SH3BGR: variants seen among roughly 807,000 people sequenced by gnomAD.
The protein encoded by SH3BGR is SH3 domain binding glutamate rich protein.
In SH3BGR, 29 loss-of-function variants were observed where a neutral mutation model predicts 24.5. The ratio of observed to expected loss-of-function variants is 1.18; its 90% CI spans 0.88 to 1.61. The LOEUF is 1.61. Ranked by LOEUF, SH3BGR falls within the 40% of genes most tolerant of loss-of-function variation. SH3BGR has a pLI of 0.00. For synonymous variants in SH3BGR, 55 were observed against 65.7 expected (o/e 0.84, Z 0.79); for missense variants, 162 against 205.8 (o/e 0.79, Z 1.30).
upstream of SH3BGR, among the ~76,000 whole-genome samples, chr21:39,448,068 T>A (rs138491825): frequency 1.3e-4 from 20 of 152,290 alleles, no homozygotes; most frequent in African/African-American, 4.8e-4. Context: ...CCACTCCAAT[T>A]TCTGCTTCCA....
chr21:39,457,226 ATAGT>A (rs1199094535), intron 1 of SH3BGR, among the ~76,000 whole-genome samples: 1 of 99,968 alleles, frequency 1.0e-5, no homozygotes, highest in African/African-American at 3.6e-5. Flanking sequence ...AAAATCATAT[ATAGT>A]TAAATATAAA....
intron 3 of SH3BGR, among the ~76,000 whole-genome samples, chr21:39,495,089 C>T (rs1291280350): frequency 3.3e-5 from 5 of 150,892 alleles, no homozygotes; most frequent in African/African-American, 7.3e-5. Context: ...TCAGTTGTTT[C>T]GTTCATTGCA....
At chr21:39,496,324 C>A (rs1043621509) in intron 3 of SH3BGR, among the ~76,000 whole-genome samples, 1 of 151,582 alleles carries the variant, frequency 6.6e-6, no homozygotes, top group African/African-American at 2.4e-5. Context: ...CAAGGTGAAA[C>A]CCCGTCTCTA....
At chr21:39,491,543 CT>C in intron 3 of SH3BGR, 1 of 276,710 alleles carries the variant, frequency 3.6e-6, no homozygotes, top group South Asian at 4.6e-5. Flanking sequence ...GCCTCAGCTA[CT>C]TACATGGGCT....
At chr21:39,468,412 C>A (rs1307129522) in intron 2 of SH3BGR, among the ~76,000 whole-genome samples, 1 of 152,158 alleles carries the variant, frequency 6.6e-6, no homozygotes, top group African/African-American at 2.4e-5. Context: ...GTGCCTCTCT[C>A]CCTGATCCCA....
intron 6 of SH3BGR, among the ~76,000 whole-genome samples, chr21:39,512,123 A>G (rs999247125): frequency 2.6e-5 from 4 of 152,308 alleles, no homozygotes; most frequent in South Asian, 2.1e-4. Flanking sequence ...CTTCCTCTAT[A>G]TAAACTTTGT....
At chr21:39,507,691 G>A (rs1401920982) in intron 4 of SH3BGR, among the ~76,000 whole-genome samples, 4 of 152,132 alleles carry the variant, frequency 2.6e-5, no homozygotes, top group Admixed American at 2.0e-4. Flanking sequence ...TGTCACCCAC[G>A]CTGGAGTGCA....
upstream of SH3BGR, among the ~76,000 whole-genome samples, chr21:39,447,312 T>G (rs778644807): frequency 2.6e-5 from 4 of 152,074 alleles, no homozygotes; most frequent in Non-Finnish European, 5.9e-5. Context: ...AGGTAGAGTT[T>G]CCTGAGAATG....
At chr21:39,509,060 A>AAT (rs1439544820) in intron 5 of SH3BGR, 33 bp downstream of exon 5, 1 of 1,575,242 alleles carries the variant, frequency 6.3e-7, no homozygotes, top group Non-Finnish European at 8.7e-7. Flanking sequence ...GCTGTGCTTA[A>AAT]TCTGCTTAAT....
Position 39,486,938 on chromosome 21 carries a change from G to T in SH3BGR, c.312+11723G>T, listed in dbSNP as rs182860879. ...TCAGCATGTTGGCCAGGCTGATCTT[G>T]AACTCCTGACCTCAGATAATCTGCC... On this transcript the variant is annotated intron_variant, in intron 3 of 6. Transcript: ENST00000333634. 1.6e-3 allele frequency among the ~76,000 whole-genome samples: 241 copies of T among 152,164 alleles called. 2 individuals are homozygous for T. Among genetic ancestry groups the T allele is most frequent in the African/African-American group, 5.5e-3 (229 of 41,530 alleles).
At chr21:39,508,949 A>T in intron 4 of SH3BGR, 49 bp from the exon 5 acceptor site, 1 of 1,399,874 alleles carries the variant, frequency 7.1e-7, no homozygotes, top group Non-Finnish European at 9.9e-7. Flanking sequence ...TTGACTTTAA[A>T]CGTACTTGAA....
chr21:39,448,604 AAT>A (rs1251784498), upstream of SH3BGR, among the ~76,000 whole-genome samples: 1 of 152,170 alleles, frequency 6.6e-6, no homozygotes, highest in African/African-American at 2.4e-5. Context: ...GCAGGAGATG[AAT>A]GTGGGAGGTG....
At chr21:39,447,066 C>T (rs1303597394), upstream of SH3BGR, 1 of 152,044 alleles carries the variant, frequency 6.6e-6, no homozygotes, top group Non-Finnish European at 1.5e-5. Flanking sequence ...ATTTCTAGAA[C>T]TCCTTAGGTA....
intron 1 of SH3BGR, among the ~76,000 whole-genome samples, 159 bp from the exon 2 acceptor site, chr21:39,462,216 C>T (rs11910840): frequency 6.6e-6 from 1 of 151,984 alleles, no homozygotes. Flanking sequence ...TTTGGTTGAC[C>T]CTTTATAACA....
intron 3 of SH3BGR, among the ~76,000 whole-genome samples, chr21:39,483,238 G>T (rs1398057752): frequency 2.0e-5 from 3 of 152,188 alleles, no homozygotes; most frequent in African/African-American, 7.2e-5. Flanking sequence ...TAGAGCAGAT[G>T]AACTTATTTT....
chr21:39,508,347 C>G (rs147787757), intron 4 of SH3BGR, among the ~76,000 whole-genome samples: 4 of 152,254 alleles, frequency 2.6e-5, no homozygotes, highest in African/African-American at 9.6e-5. Flanking sequence ...TTTTTAGGAG[C>G]TGTAACCTGG....
chr21:39,457,070 AT>A (rs1313325204), intron 1 of SH3BGR, among the ~76,000 whole-genome samples: 1 of 148,470 alleles, frequency 6.7e-6, no homozygotes, highest in Non-Finnish European at 1.5e-5. Context: ...TAAATATAAA[AT>A]TTAAAAAAAT....
Position 39,479,629 on chromosome 21 carries a change from C to T in SH3BGR, c.312+4414C>T, listed in dbSNP as rs78417009. 3.4e-3 allele frequency among the ~76,000 whole-genome samples: 516 copies of T among 152,228 alleles called. 4 individuals are homozygous for T. The highest frequency in any genetic ancestry group is 3.2e-3 in the Non-Finnish European group (216 of 68,012). The stretch of plus-strand genomic sequence containing the variant: ...CCCTTGTTTTCAGTATGGTTGCCTA[C>T]TTCAGCTGGCCTCATGCCCAGGAGG... On this transcript the variant is annotated intron_variant, in intron 3 of 6. Coordinates refer to ENST00000333634, the MANE Select transcript of SH3BGR (RefSeq NM_007341.3).
chr21:39,499,958 C>A, intron 4 of SH3BGR, 43 bp downstream of exon 4: 1 of 1,368,500 alleles, frequency 7.3e-7, no homozygotes, highest in Non-Finnish European at 1.0e-6. Flanking sequence ...GGATTCTCTG[C>A]TGTTCGAGAC....
Sources: gnomAD v4.1 joint callset for allele counts (sites outside exome capture counted in the v4.1 genomes callset) on GRCh38, gnomAD v4.1.1 for gene constraint, MANE v1.5 for transcripts, NCBI Gene and HGNC (gene_info 2026-07-23, HGNC 2026-07-21) for gene names.